NEMF: variants seen among roughly 807,000 people sequenced by gnomAD.
NEMF encodes the protein nuclear export mediator factor.
In NEMF, 89 loss-of-function variants were observed where a neutral mutation model predicts 162.2. That is an observed-to-expected ratio of 0.55 (90% CI 0.46 to 0.65). The LOEUF (loss-of-function observed/expected upper bound fraction) is 0.65. Among genes scored for constraint, NEMF ranks in the 30% least tolerant of loss-of-function variants. NEMF has a pLI of 0.00. For synonymous variants in NEMF, 421 were observed against 404.5 expected (o/e 1.04, Z -0.49); for missense variants, 1,133 against 1,261.9 (o/e 0.90, Z 1.55).
chr14:49,846,361 G>T, intron 3 of NEMF, 96 bp from the exon 4 acceptor site: 3 of 1,148,000 alleles, frequency 2.6e-6, no homozygotes, highest in African/African-American at 1.6e-5. Context: ...TTATCATCAG[G>T]AATATTTAAA....
Position 49,799,195 on chromosome 14 carries a change from G to A in NEMF, c.2465+280C>T, listed in dbSNP as rs376295312. ...AGCACTCTAGCCTGGGCAACAAAGC[G>A]AGACCCTGTTTCAAAAAAAAAAAAA... On this transcript the variant is annotated intron_variant, in intron 25 of 32. Transcript: ENST00000298310. Among the ~76,000 whole-genome samples the A allele has an allele frequency of 1.7e-4, 14 of 80,972 alleles. No homozygotes were observed. The East Asian group carries it at 3.4e-3, about 20-fold the overall frequency. The allele number at this position is 80,972 out of a possible 152,430, so 53.1% of individuals were successfully genotyped here.
intron 22 of NEMF, 73 bp downstream of exon 22, chr14:49,802,380 C>A: frequency 6.7e-7 from 1 of 1,492,128 alleles, no homozygotes. Flanking sequence ...GAGACATGAT[C>A]TTCTAAGGAT....
intron 26 of NEMF, among the ~76,000 whole-genome samples, chr14:49,795,256 T>C (rs1210445262): frequency 6.6e-6 from 1 of 150,690 alleles, no homozygotes. Context: ...GAGGATCACT[T>C]GAGCCTAGGA....
In NEMF at chr14:49,834,372, C is replaced by G. The variant is rs76927287; in HGVS notation, c.652G>C (p.Glu218Gln). 4.4e-5 allele frequency: 71 copies of G among 1,598,450 alleles called. No individual in the cohort carries two copies. In the African/African-American group the frequency reaches 9.0e-4, roughly 20 times the overall value. ...TACCATGCAGACATACCTTTAGTTT[C>G]AAGTTTTTCATCCACTTTGACATTA... is the stretch of plus-strand genomic sequence containing the variant. ...SGNVKVDEKL[E>Q]TKDIEKVLVS... The change falls in exon 7 of 33, where the codon GAA becomes CAA. Residue 218 changes from glutamate (E) to glutamine (Q), a missense_variant. Physicochemically the swap from Glu to Gln is conservative, Grantham distance 29. This residue lies in a region of NEMF where 582 missense variants were observed against 631.5 expected (regional missense o/e 0.92). Transcript: ENST00000298310.
rs1890007728 is a variant in NEMF, at chr14:49,783,390, T to TATTCACATTATG, written c.*1234_*1245dup. ...AAAGGTTTTTTTTTTTAAACATTAATATTCACATTATGACGAAGCTGGAAA... is the reference window on the plus strand; with the variant it reads ...AAAGGTTTTTTTTTTTAAACATTAATATTCACATTATGATTCACATTATGACGAAGCTGGAAA... On this transcript the variant is annotated 3_prime_UTR_variant, in exon 33 of 33. Transcript: ENST00000298310. 2.6e-5 allele frequency: 4 copies of TATTCACATTATG among 152,162 alleles called. No individual in the cohort carries two copies. The highest frequency in any genetic ancestry group is 9.7e-5 in the African/African-American group (4 of 41,342). The allele number at this position is 152,162 out of a possible 1,614,324, so 9.4% of individuals were successfully genotyped here.
Position 49,814,784 on chromosome 14 carries a change from C to A in NEMF, c.1651G>T (p.Glu551Ter). The change falls in exon 17 of 33, where the codon GAA becomes TAA. Residue 551 changes from glutamate (E) to a stop codon, truncating the protein, a stop_gained. Transcript: ENST00000298310. LOFTEE classifies it high-confidence loss of function. ...GTCAAGTATCTTTTCACAATTATTT[C>A]ATTCTGTTGCTGATCTCGTCCACCT... ...IIGGRDQQQN[E>*]IIVKRYLTPG... 6.3e-7 allele frequency: 1 copy of A among 1,591,332 alleles called. No individual in the cohort carries two copies. The highest frequency in any genetic ancestry group is 1.2e-5 in the South Asian group (1 of 86,460).
chr14:49,792,488 A>G (rs1055302343), intron 26 of NEMF, among the ~76,000 whole-genome samples: 2 of 152,198 alleles, frequency 1.3e-5, no homozygotes, highest in African/African-American at 4.8e-5. Flanking sequence ...CTGGGATTAC[A>G]GGCATGAGCC....
intron 8 of NEMF, among the ~76,000 whole-genome samples, chr14:49,833,008 A>G (rs1036885021): frequency 3.3e-5 from 5 of 152,146 alleles, no homozygotes; most frequent in Non-Finnish European, 7.4e-5. Flanking sequence ...GCCCATGTCT[A>G]TAATCCCAGC....
At chr14:49,804,390 T>A (rs893743304) in intron 19 of NEMF, among the ~76,000 whole-genome samples, 2 of 152,016 alleles carry the variant, frequency 1.3e-5, no homozygotes, top group African/African-American at 4.8e-5. Flanking sequence ...TTTAAAAAAA[T>A]TTTGGGGCCA....
Position 49,800,569 on chromosome 14 carries a change from C to T in NEMF, c.2223G>A (p.Glu741=). ...LQSGRDELNE[E]LIQEESSEDE... ...CTTCAGAGCTTTCTTCCTGAATGAGCTCCTCATTTAGTTCATCTCTGCCAC... is the reference window on the plus strand; with the variant it reads ...CTTCAGAGCTTTCTTCCTGAATGAGTTCCTCATTTAGTTCATCTCTGCCAC... The change falls in exon 23 of 33, where the codon GAG becomes GAA. Residue 741 remains glutamate, a synonymous_variant. Transcript: ENST00000298310. The T allele has an allele frequency of 6.2e-7, 1 of 1,613,996 alleles. No individual in the cohort carries two copies. The highest frequency in any genetic ancestry group is 8.5e-7 in the Non-Finnish European group (1 of 1,179,938).
intron 3 of NEMF, among the ~76,000 whole-genome samples, chr14:49,847,990 C>T (rs888184493): frequency 1.3e-5 from 2 of 149,638 alleles, no homozygotes; most frequent in African/African-American, 4.9e-5. Context: ...CGAGATGACA[C>T]TACTGCAATC....
rs1889991303 is a variant in NEMF, at chr14:49,783,140, T to C, written c.*1496A>G. The C allele has an allele frequency of 2.2e-6, 1 of 450,382 alleles. No individual in the cohort carries two copies. Among genetic ancestry groups the C allele is most frequent in the Non-Finnish European group, 3.8e-6 (1 of 261,024 alleles). 27.9% of individuals were successfully genotyped at this position (450,382 alleles called of 1,614,324 possible). ...TTACAATAAATGTATTTAACACCAGTAGCTGTCCTCTATTAAAGTAAAGTA... is the reference window on the plus strand; with the variant it reads ...TTACAATAAATGTATTTAACACCAGCAGCTGTCCTCTATTAAAGTAAAGTA... On this transcript the variant is annotated 3_prime_UTR_variant, in exon 33 of 33. Transcript: ENST00000298310.
chr14:49,846,975 T>C (rs1893534761), intron 3 of NEMF, among the ~76,000 whole-genome samples: 1 of 152,178 alleles, frequency 6.6e-6, no homozygotes, highest in Non-Finnish European at 1.5e-5. Context: ...AACCTCCGCC[T>C]CCCAGGTTCA....
chr14:49,796,361 G>A, intron 25 of NEMF: 1 of 449,748 alleles, frequency 2.2e-6, no homozygotes, highest in East Asian at 7.0e-5. Context: ...GGTTAAGAAG[G>A]AAGGGTAAAT....
Position 49,846,275 on chromosome 14 carries a change from G to A in NEMF, c.232-10C>T. 4 of 1,605,214 alleles carry A rather than the reference G, an allele frequency of 2.5e-6. No homozygotes were observed. Among genetic ancestry groups the A allele is most frequent in the African/African-American group, 2.7e-5 (2 of 74,336 alleles). ...TCAAATGTTTTCGGCACTAGCAAGAGAAAGAAAAAGGCATTCATTTAGTAA... is the reference window on the plus strand; with the variant it reads ...TCAAATGTTTTCGGCACTAGCAAGAAAAAGAAAAAGGCATTCATTTAGTAA... On this transcript the variant is annotated splice_polypyrimidine_tract_variant and intron_variant, in intron 3 of 32. Transcript: ENST00000298310.
At chr14:49,823,621 T>A (rs1167065770) in intron 16 of NEMF, among the ~76,000 whole-genome samples, 1 of 152,126 alleles carries the variant, frequency 6.6e-6, no homozygotes, top group Non-Finnish European at 1.5e-5. Flanking sequence ...GGGGGTTCCA[T>A]ATCTTAAAAA....
Position 49,852,717 on chromosome 14 carries a change from C to CAAT in NEMF, c.36_37insATT (p.Ala12_Val13insIle). 1 of 1,614,216 alleles carries CAAT rather than the reference C, an allele frequency of 6.2e-7. No homozygotes were observed. Among genetic ancestry groups the CAAT allele is most frequent in the South Asian group, 1.1e-5 (1 of 91,086 alleles). ...TACCTAGCATTCAGCTCCGCGAGTA[C>CAAT]GGCGCGGAGGTCAATGGTGCTAAAG... On this transcript the variant is annotated inframe_insertion, in exon 1 of 33. Coordinates refer to ENST00000298310, the MANE Select transcript of NEMF (RefSeq NM_004713.6).
intron 6 of NEMF, among the ~76,000 whole-genome samples, chr14:49,835,212 C>G (rs1226100232): frequency 1.3e-5 from 1 of 77,666 alleles, no homozygotes; most frequent in African/African-American, 5.0e-5. Flanking sequence ...CGCCCCACCC[C>G]GCAACCAAAA....
chr14:49,817,743 A>C (rs886532373), intron 16 of NEMF, among the ~76,000 whole-genome samples: 2 of 152,234 alleles, frequency 1.3e-5, no homozygotes, highest in East Asian at 3.8e-4. Context: ...AAGTCTTTAA[A>C]AAAACACTGC....
Sources: gnomAD v4.1 joint callset for allele counts (sites outside exome capture counted in the v4.1 genomes callset) on GRCh38, gnomAD v4.1.1 for gene constraint, gnomAD v4.1.1 regional missense constraint, MANE v1.5 for transcripts, NCBI Gene and HGNC (gene_info 2026-07-23, HGNC 2026-07-21) for gene names.